The following FBN3 variants were observed in gnomAD, a reference collection of about 807,000 sequenced individuals.
FBN3 encodes the protein fibrillin 3.
In FBN3, 234 loss-of-function variants were observed where a neutral mutation model predicts 330.1. The observed-to-expected ratio is 0.71, with a 90% CI of 0.64 to 0.79. The LOEUF is 0.79. Ranked by LOEUF, FBN3 falls within the 30% of genes least tolerant of loss-of-function variation. The pLI, the probability that FBN3 is intolerant of heterozygous loss-of-function variation, is 0.00. For synonymous variants in FBN3, 1,458 were observed against 1,517.3 expected, an observed-to-expected ratio of 0.96 and a Z score of 0.91; for missense variants, 3,606 against 3,886.9, an observed-to-expected ratio of 0.93 and a Z score of 1.92.
intron 46 of FBN3, among the ~76,000 whole-genome samples, chr19:8,095,064 T>A (rs996891741): frequency 1.3e-5 from 2 of 152,036 alleles, no homozygotes; most frequent in South Asian, 4.2e-4. Context: ...CTCAAACTCC[T>A]GGGCTCAAGT....
chr19:8,121,186 C>A lies in FBN3; in HGVS notation c.3211+72G>T. On this transcript the variant is annotated intron_variant, in intron 25 of 63. Transcript: ENST00000600128. This position sits in a 1 kb window ranked among gnomAD's most constrained non-coding sequence, Gnocchi z 4.5. ...TCCACGTCCACACAGCAACAGCCGT[C>A]CCCACCCTCCCTCTCCTCAATGCCC... The A allele has an allele frequency of 7.3e-7, 1 of 1,369,292 alleles. No individual in the cohort carries two copies. The highest frequency in any genetic ancestry group is 1.9e-4 in the Middle Eastern group (1 of 5,322). 84.8% of individuals were successfully genotyped at this position (1,369,292 alleles called of 1,614,324 possible).
Position 8,109,683 on chromosome 19 carries a change from G to A in FBN3, c.4404C>T (p.Leu1468=). ...GVCINTPGSY[L]CSCPQDFELN... ...GCTCAAAATCCTGGGGGCAGCTGCA[G>A]AGGTAGCTGCCGGGGGTGTTAATGC... Residue 1468 remains leucine (L), a synonymous_variant, in exon 35 of 64, where the codon CTC becomes CTT. Coordinates refer to ENST00000600128, the MANE Select transcript of FBN3 (RefSeq NM_032447.5). This position sits in a 1 kb window ranked among gnomAD's most constrained non-coding sequence, Gnocchi z 5.2. 3 of 1,571,632 alleles carry A rather than the reference G, an allele frequency of 1.9e-6. No homozygotes were observed. Among genetic ancestry groups the A allele is most frequent in the Non-Finnish European group, 2.6e-6 (3 of 1,160,632 alleles).
intron 26 of FBN3, among the ~76,000 whole-genome samples, chr19:8,118,159 A>T (rs1455138151): frequency 6.6e-6 from 1 of 152,038 alleles, no homozygotes; most frequent in Non-Finnish European, 1.5e-5. Context: ...ACCCACACCC[A>T]GAGGTACACC....
intron 22 of FBN3, among the ~76,000 whole-genome samples, chr19:8,124,831 C>T (rs10422575): frequency 0.34 from 52,416 of 152,014 alleles, 9,411 homozygotes; most frequent in South Asian, 0.46. Context: ...CCACCATGCC[C>T]GGCCACTAAG....
chr19:8,135,557 G>T (rs1231474907), intron 13 of FBN3, among the ~76,000 whole-genome samples: 1 of 139,166 alleles, frequency 7.2e-6, no homozygotes, highest in East Asian at 2.0e-4. Context: ...ACTACACTCG[G>T]ACTTCTTTTT....
intron 18 of FBN3, among the ~76,000 whole-genome samples, chr19:8,127,817 T>C (rs2083029814): frequency 6.6e-6 from 1 of 152,126 alleles, no homozygotes. Context: ...ACACCATCTC[T>C]ATTAAAAATA....
chr19:8,125,242 T>C (rs948204602), intron 22 of FBN3, among the ~76,000 whole-genome samples: 1 of 151,662 alleles, frequency 6.6e-6, no homozygotes, highest in African/African-American at 2.4e-5. Flanking sequence ...AAAATATATA[T>C]AGATATACCA....
At chr19:8,084,049 G>T (rs1039665789) in intron 56 of FBN3, among the ~76,000 whole-genome samples, 1 of 151,808 alleles carries the variant, frequency 6.6e-6, no homozygotes, top group South Asian at 2.1e-4. Flanking sequence ...TGATCTGCCC[G>T]CCTCAGCCTC....
intron 33 of FBN3, 31 bp from the exon 34 acceptor site, chr19:8,110,998 C>G: frequency 1.2e-6 from 2 of 1,614,168 alleles, no homozygotes; most frequent in Non-Finnish European, 1.7e-6. Flanking sequence ...CCTGCCCCAC[C>G]CAGAGTCTGC....
intron 1 of FBN3, 129 bp from the exon 2 acceptor site, chr19:8,147,626 C>T (rs1273775394): frequency 1.3e-5 from 9 of 667,156 alleles, no homozygotes. Context: ...CCCAAGGAGG[C>T]ATCCAGCCCC....
chr19:8,127,841 C>T (rs572150882), intron 18 of FBN3, among the ~76,000 whole-genome samples: 15 of 152,062 alleles, frequency 9.9e-5, no homozygotes, highest in Non-Finnish European at 1.8e-4. Context: ...ATTAGCTGGG[C>T]GTGATGGCAC....
At chr19:8,111,926 C>A in intron 31 of FBN3, 51 bp downstream of exon 31, 1 of 544,106 alleles carries the variant, frequency 1.8e-6, no homozygotes, top group Non-Finnish European at 3.0e-6. Context: ...CCGCCTTGCC[C>A]CCCACCTACC....
At chr19:8,135,936 G>GCGACCCCCCCCCCC in intron 13 of FBN3, 25 bp downstream of exon 13, 1 of 668,778 alleles carries the variant, frequency 1.5e-6, no homozygotes, top group Non-Finnish European at 2.4e-6. Flanking sequence ...GGAAGCCCCT[G>GCGACCCCCCCCCCC]CCCACCCGCC....
At chr19:8,072,926 A>C in intron 62 of FBN3, 137 bp downstream of exon 62, 1 of 726,166 alleles carries the variant, frequency 1.4e-6, no homozygotes, top group Non-Finnish European at 2.3e-6. Context: ...GCACAGGCTG[A>C]AGGAGCTCTT....
chr19:8,081,490 GACAGCGTGGGTAGT>G lies in FBN3; in HGVS notation c.7214-24_7214-11del. 6.3e-7 allele frequency: 1 copy of G among 1,596,400 alleles called. No homozygotes were observed. The highest frequency in any genetic ancestry group is 1.3e-5 in the African/African-American group (1 of 74,522). The stretch of plus-strand genomic sequence containing the variant: ...CTGCACTCATCCATATCTGGGGAAG[GACAGCGTGGGTAGT>G]GGGGCGGGGTTAGACAGACATTCCC... On this transcript the variant is annotated splice_polypyrimidine_tract_variant and intron_variant, in intron 57 of 63. Transcript: ENST00000600128.
At chr19:8,089,981 A>G (rs781532958) in intron 49 of FBN3, 22 bp from the exon 50 acceptor site, 1 of 1,595,946 alleles carries the variant, frequency 6.3e-7, no homozygotes, top group South Asian at 1.1e-5. Context: ...GGGGGAGGGG[A>G]GTCAGAGTCA....
At chr19:8,070,401 C>T (rs2081485865) in intron 63 of FBN3, among the ~76,000 whole-genome samples, 1 of 152,136 alleles carries the variant, frequency 6.6e-6, no homozygotes, top group Admixed American at 6.5e-5. Flanking sequence ...TGTTGTTGTT[C>T]ACTGTTGCTC....
In FBN3 at chr19:8,131,083, TGA is replaced by T. The variant is rs2083134685; in HGVS notation, c.2044+150_2044+151del. 2 of 655,942 alleles carry T rather than the reference TGA, an allele frequency of 3.0e-6. No homozygotes were observed. The highest frequency in any genetic ancestry group is 5.4e-5 in the Admixed American group (2 of 36,986). The allele number at this position is 655,942 out of a possible 1,614,324, so 40.6% of individuals were successfully genotyped here. On this transcript the variant is annotated intron_variant, in intron 16 of 63. Transcript: ENST00000600128. This position sits in a 1 kb window ranked among gnomAD's most constrained non-coding sequence, Gnocchi z 4.5. Reference sequence around the variant, plus strand: ...CTCCGACCTCTGGCCTGCAGGAGTGTGAGAGAATCAGCTTCTGTTGTTGAAGC... The same window carrying T: ...CTCCGACCTCTGGCCTGCAGGAGTGTGAGAATCAGCTTCTGTTGTTGAAGC...
intron 22 of FBN3, among the ~76,000 whole-genome samples, chr19:8,125,388 T>C (rs1021329972): frequency 6.6e-6 from 1 of 151,468 alleles, no homozygotes; most frequent in South Asian, 2.1e-4. Flanking sequence ...CACTCCTGCC[T>C]GGGTGACAGA....
Sources: allele counts gnomAD v4.1 joint callset (sites outside exome capture counted in the v4.1 genomes callset), GRCh38; gene constraint gnomAD v4.1.1; non-coding constraint Gnocchi (gnomAD v3.1); transcripts MANE v1.5; gene names NCBI Gene and HGNC (gene_info 2026-07-23, HGNC 2026-07-21).